KLHL4: variants seen among roughly 807,000 people sequenced by gnomAD.
The protein encoded by KLHL4 is kelch like family member 4, also known as kelch-like protein 4.
A neutral mutation model predicts 45.8 loss-of-function variants in KLHL4; 17 were observed. The observed-to-expected ratio is 0.37, with a 90% CI of 0.25 to 0.56. KLHL4 has a LOEUF of 0.56. Among genes scored for constraint, KLHL4 ranks in the 20% least tolerant of loss-of-function variants. The pLI, the probability that KLHL4 is intolerant of heterozygous loss-of-function variation, is 0.79. For missense variants in KLHL4, 544 were observed against 544.9 expected (o/e 1.00, Z 0.02); for synonymous variants, 224 against 189.9 (o/e 1.18, Z -1.47).
intron 1 of KLHL4, among the ~76,000 whole-genome samples, chrX:87,539,448 T>C (rs888384910): frequency 1.6e-4 from 18 of 111,016 alleles, no homozygotes; most frequent in African/African-American, 5.6e-4. Flanking sequence ...TTGGTAAGTT[T>C]TTCATTATTT....
chrX:87,633,238 T>G (rs1048654900), intron 7 of KLHL4, among the ~76,000 whole-genome samples: 3 of 111,736 alleles, frequency 2.7e-5, no homozygotes, highest in African/African-American at 6.5e-5. Flanking sequence ...AAATGGGCTA[T>G]TCATAATATT....
chrX:87,571,201 A>G (rs1432568624), intron 1 of KLHL4, among the ~76,000 whole-genome samples: 2 of 110,934 alleles, frequency 1.8e-5, no homozygotes, highest in Non-Finnish European at 3.8e-5. Context: ...TAAATTTTTA[A>G]TCAATTCGTA....
chrX:87,521,140 G>T (rs1930991430), intron 1 of KLHL4, among the ~76,000 whole-genome samples: 1 of 111,657 alleles, frequency 9.0e-6, no homozygotes, highest in African/African-American at 3.3e-5. Context: ...ACCTGTTGGG[G>T]TTTCAGGCTT....
At chrX:87,518,380 G>A in intron 1 of KLHL4, 65 bp downstream of exon 1, 1 of 892,477 alleles carries the variant, frequency 1.1e-6, no homozygotes. Context: ...TACAATTCAT[G>A]TTTAGTGTTT....
chrX:87,638,739 C>G (rs765488899), intron 9 of KLHL4, among the ~76,000 whole-genome samples: 1 of 111,141 alleles, frequency 9.0e-6, no homozygotes, highest in Non-Finnish European at 1.9e-5. Flanking sequence ...ATAGAGTCTC[C>G]TTAAAGTATA....
chrX:87,624,306 A>G (rs976318087), intron 5 of KLHL4, among the ~76,000 whole-genome samples: 3 of 112,156 alleles, frequency 2.7e-5, no homozygotes, highest in Admixed American at 9.5e-5. Context: ...TCATGCAAAT[A>G]TAGGCTTTCC....
chrX:87,531,359 G>T (rs1394826585), intron 1 of KLHL4, among the ~76,000 whole-genome samples: 1 of 110,956 alleles, frequency 9.0e-6, no homozygotes, highest in African/African-American at 3.3e-5. Context: ...TGTCCTGAGT[G>T]GTAATGCCTA....
At chrX:87,593,589 G>T (rs1921746870) in intron 1 of KLHL4, among the ~76,000 whole-genome samples, 1 of 110,860 alleles carries the variant, frequency 9.0e-6, no homozygotes, top group Non-Finnish European at 1.9e-5. Context: ...ACTTGGTAAG[G>T]CATCATTCAT....
chrX:87,628,882 G>T (rs956980311), intron 6 of KLHL4, among the ~76,000 whole-genome samples: 1 of 111,949 alleles, frequency 8.9e-6, no homozygotes, highest in Non-Finnish European at 1.9e-5. Flanking sequence ...GTATTTGAAA[G>T]AATCATTAGA....
chrX:87,529,803 T>A (rs898823230), intron 1 of KLHL4, among the ~76,000 whole-genome samples: 2 of 112,063 alleles, frequency 1.8e-5, no homozygotes, highest in African/African-American at 6.5e-5. Context: ...ATAAAATGTA[T>A]CTTGATAAGA....
rs145707701 is a variant in KLHL4, at chrX:87,634,045, T to A, written c.1712+134T>A. The A allele has an allele frequency of 1.3e-3, 614 of 466,263 alleles. 4 individuals are homozygous for A. The highest frequency in any genetic ancestry group is 0.012 in the African/African-American group (508 of 40,978). The allele number at this position is 466,263 out of a possible 1,213,427, so 38.4% of individuals were successfully genotyped here. On this transcript the variant is annotated intron_variant, in intron 8 of 10. Coordinates refer to ENST00000373119, the MANE Select transcript of KLHL4 (RefSeq NM_019117.5). The stretch of plus-strand genomic sequence containing the variant: ...TGTTATCAATAATAAAAGGTCTTCA[T>A]TGGAACTCTCCATTAGGACTGAAAA...
At chrX:87,665,932 C>A (rs1924354330) in intron 10 of KLHL4, among the ~76,000 whole-genome samples, 1 of 111,343 alleles carries the variant, frequency 9.0e-6, no homozygotes, top group Non-Finnish European at 1.9e-5. Flanking sequence ...TTAGGACCAA[C>A]CAGAAATCGA....
intron 1 of KLHL4, among the ~76,000 whole-genome samples, chrX:87,545,953 A>G (rs998190506): frequency 2.7e-5 from 3 of 111,769 alleles, no homozygotes; most frequent in Non-Finnish European, 3.8e-5. Context: ...GGAACTTTGA[A>G]CTTGAGAGAG....
intron 9 of KLHL4, among the ~76,000 whole-genome samples, chrX:87,660,151 A>C (rs1459061967): frequency 1.8e-5 from 2 of 111,785 alleles, no homozygotes; most frequent in African/African-American, 6.5e-5. Flanking sequence ...AATTGCCTAG[A>C]TAATTTATTG....
In KLHL4 at chrX:87,669,507, C is replaced by A; in HGVS notation, c.*2973C>A. Reference sequence around the variant, plus strand: ...GAAAGACAGTTTCCTTCTGGAGTTCCAAATGCAATATAGAAAAAAAAACCC... The same window carrying A: ...GAAAGACAGTTTCCTTCTGGAGTTCAAAATGCAATATAGAAAAAAAAACCC... On this transcript the variant is annotated 3_prime_UTR_variant, in exon 11 of 11. Coordinates refer to ENST00000373119, the MANE Select transcript of KLHL4 (RefSeq NM_019117.5). 1 of 896,599 alleles carries A rather than the reference C, an allele frequency of 1.1e-6. No homozygotes were observed. The highest frequency in any genetic ancestry group is 1.5e-6 in the Non-Finnish European group (1 of 677,498). 73.9% of individuals were successfully genotyped at this position (896,599 alleles called of 1,213,427 possible).
At chrX:87,548,095 A>G (rs969555599) in intron 1 of KLHL4, among the ~76,000 whole-genome samples, 2 of 111,499 alleles carry the variant, frequency 1.8e-5, no homozygotes, top group African/African-American at 6.5e-5. Flanking sequence ...AAGTATGAAG[A>G]AAGTATCCTA....
chrX:87,620,078 G>A (rs774844910), intron 4 of KLHL4, among the ~76,000 whole-genome samples: 3 of 111,191 alleles, frequency 2.7e-5, no homozygotes, highest in South Asian at 7.7e-4. Flanking sequence ...TACCCCGTTC[G>A]TTACCCAGTC....
intron 1 of KLHL4, among the ~76,000 whole-genome samples, chrX:87,598,972 G>A (rs920581949): frequency 2.7e-5 from 3 of 110,706 alleles, no homozygotes; most frequent in African/African-American, 9.8e-5. Context: ...AACCTTATGT[G>A]AGATCCAGAA....
intron 1 of KLHL4, among the ~76,000 whole-genome samples, chrX:87,575,469 CA>C (rs1921069325): frequency 9.0e-6 from 1 of 111,627 alleles, no homozygotes; most frequent in Admixed American, 9.6e-5. Context: ...TCCCTGGTGC[CA>C]AAAAGGTTGG....
Sources: allele counts gnomAD v4.1 joint callset (sites outside exome capture counted in the v4.1 genomes callset), GRCh38; gene constraint gnomAD v4.1.1; transcripts MANE v1.5; gene names NCBI Gene and HGNC (gene_info 2026-07-23, HGNC 2026-07-21).